The following PLB1 variants were observed in gnomAD, a reference collection of about 807,000 sequenced individuals.
PLB1 encodes phospholipase B1.
In PLB1, 242 loss-of-function variants were observed where a neutral mutation model predicts 227.4. The ratio of observed to expected loss-of-function variants is 1.06; its 90% CI spans 0.96 to 1.18. The LOEUF is 1.18. PLB1 is among the 50% of genes most tolerant of loss of function. PLB1 has a pLI of 0.00. For missense variants in PLB1, 1,858 were observed against 1,816.3 expected, an observed-to-expected ratio of 1.02 and a Z score of -0.42; for synonymous variants, 757 against 682.2, an observed-to-expected ratio of 1.11 and a Z score of -1.71.
chr2:28,610,195 A>G (rs939787639), intron 43 of PLB1, among the ~76,000 whole-genome samples: 2 of 152,116 alleles, frequency 1.3e-5, no homozygotes, highest in African/African-American at 2.4e-5. Context: ...TGCTGTACCT[A>G]TCAACCGGTC....
intron 39 of PLB1, 109 bp downstream of exon 39, chr2:28,603,030 C>A: frequency 1.1e-6 from 1 of 951,128 alleles, no homozygotes; most frequent in Non-Finnish European, 1.6e-6. Flanking sequence ...ATCCATGTGT[C>A]CAAGTCTGTA....
In PLB1 at chr2:28,642,968, T is replaced by C. The variant is rs1690137046; in HGVS notation, c.4284T>C (p.Leu1428=). 2 of 1,610,306 alleles carry C rather than the reference T, an allele frequency of 1.2e-6. No homozygotes were observed. The highest frequency in any genetic ancestry group is 8.5e-7 in the Non-Finnish European group (1 of 1,178,602). The change falls in exon 58 of 58, where the codon CTT becomes CTC. Residue 1428 remains leucine (L), a synonymous_variant. Transcript: ENST00000327757. ...WAVPVAAGVG[L]VVGIIGTVVW... ...TCCCAGTGGCAGCGGGAGTCGGCCT[T>C]GTGGTGGGCATCATCGGGACAGTGG...
intron 10 of PLB1, 131 bp from the exon 11 acceptor site, chr2:28,538,968 G>A: frequency 1.4e-6 from 1 of 722,238 alleles, no homozygotes; most frequent in Non-Finnish European, 2.5e-6. Flanking sequence ...CAAAGGATCA[G>A]GCCCAGTTAA....
intron 50 of PLB1, among the ~76,000 whole-genome samples, chr2:28,626,122 A>C (rs1233641126): frequency 2.0e-5 from 3 of 151,902 alleles, no homozygotes; most frequent in Admixed American, 6.5e-5. Context: ...CAGCCTCCCA[A>C]GTAGCTGGGA....
Position 28,641,000 on chromosome 2 carries a change from C to T in PLB1, c.4172C>T (p.Pro1391Leu). The T allele has an allele frequency of 6.2e-7, 1 of 1,613,398 alleles. No homozygotes were observed. The highest frequency in any genetic ancestry group is 8.5e-7 in the Non-Finnish European group (1 of 1,179,644). ...HSRAKLKCPS[P>L]ESPYLYTLRN... is the part of the protein sequence containing the mutation. ...CGAGCCAAACTCAAGTGCCCCTCTC[C>T]TGTGAGTAAACGTCCTGCCTGCCCC... The change falls in exon 57 of 58, where the codon CCT becomes CTT. Residue 1391 changes from proline to leucine, a missense_variant and splice_region_variant. Physicochemically the swap from Pro to Leu is moderately conservative, Grantham distance 98 (BLOSUM62 -3). Transcript: ENST00000327757.
intron 14 of PLB1, chr2:28,548,654 A>G (rs1378432849): frequency 3.1e-6 from 2 of 635,038 alleles, no homozygotes; most frequent in Non-Finnish European, 5.9e-6. Context: ...GTGCATCAGA[A>G]TCGCCTGGAG....
At chr2:28,585,401 G>A (rs1338429916) in intron 25 of PLB1, among the ~76,000 whole-genome samples, 3 of 151,926 alleles carry the variant, frequency 2.0e-5, no homozygotes, top group Non-Finnish European at 2.9e-5. Flanking sequence ...TCAGCCTCCC[G>A]AGTAGCTGGG....
chr2:28,609,698 A>T (rs1359852615), intron 43 of PLB1, among the ~76,000 whole-genome samples: 2 of 150,802 alleles, frequency 1.3e-5, no homozygotes, highest in Non-Finnish European at 2.9e-5. Context: ...CTAAATAGGA[A>T]CTAATTCTTT....
At chr2:28,582,349 G>A (rs1030524957) in intron 24 of PLB1, 56 bp from the exon 25 acceptor site, 8 of 1,497,660 alleles carry the variant, frequency 5.3e-6, no homozygotes, top group Admixed American at 1.8e-5. Flanking sequence ...GCCCCAAACC[G>A]AGGTGAAAGG....
chr2:28,630,142 C>G (rs1186129094), intron 53 of PLB1, among the ~76,000 whole-genome samples: 2 of 152,152 alleles, frequency 1.3e-5, no homozygotes, highest in Non-Finnish European at 2.9e-5. Flanking sequence ...TAAGCAGTTG[C>G]AGGAAGAGCT....
chr2:28,557,008 AG>A (rs1675246188), intron 17 of PLB1, among the ~76,000 whole-genome samples: 1 of 152,042 alleles, frequency 6.6e-6, no homozygotes, highest in Admixed American at 6.6e-5. Flanking sequence ...TGCAATGTTC[AG>A]TGTAGGTCAT....
intron 1 of PLB1, among the ~76,000 whole-genome samples, chr2:28,511,304 T>G (rs962914422): frequency 1.1e-4 from 16 of 151,300 alleles, no homozygotes; most frequent in Non-Finnish European, 2.2e-4. Context: ...ATTCTTTGTG[T>G]TTTTTTTTCT....
intron 9 of PLB1, 65 bp downstream of exon 9, chr2:28,532,259 C>A (rs1209638460): frequency 7.5e-7 from 1 of 1,330,576 alleles, no homozygotes; most frequent in Admixed American, 1.9e-5. Flanking sequence ...TGAACTAAAC[C>A]TGCCTGATTA....
intron 51 of PLB1, 98 bp downstream of exon 51, chr2:28,626,606 T>G: frequency 1.3e-6 from 1 of 777,020 alleles, no homozygotes; most frequent in Non-Finnish European, 1.9e-6. Flanking sequence ...CCGAGCTCCT[T>G]GCTCATGGGA....
chr2:28,555,175 T>C (rs1235024328), intron 17 of PLB1, among the ~76,000 whole-genome samples: 1 of 143,224 alleles, frequency 7.0e-6, no homozygotes, highest in Non-Finnish European at 1.5e-5. Context: ...AGAGTTTTGC[T>C]CTGTCACCCA....
chr2:28,576,509 T>C (rs539614295), intron 21 of PLB1, among the ~76,000 whole-genome samples: 42 of 152,216 alleles, frequency 2.8e-4, no homozygotes, highest in African/African-American at 9.9e-4. Context: ...GTGGGTGGAT[T>C]ACTTGAGGTC....
Position 28,515,113 on chromosome 2 carries a change from G to C in PLB1, c.56-1695G>C, listed in dbSNP as rs534919708. Among the ~76,000 whole-genome samples the C allele has an allele frequency of 7.2e-5, 11 of 152,286 alleles. No homozygotes were observed. In the East Asian group the frequency reaches 2.1e-3, roughly 29 times the overall value. ...ACATAAGTGCTTAGAACAGTGCCTG[G>C]CACATAGAAGCTGTATTTGTGTTGG... On this transcript the variant is annotated intron_variant, in intron 1 of 57. Coordinates refer to ENST00000327757, the MANE Select transcript of PLB1 (RefSeq NM_153021.5).
chr2:28,520,995 G>T (rs1026853956), intron 4 of PLB1, among the ~76,000 whole-genome samples: 3 of 152,126 alleles, frequency 2.0e-5, no homozygotes, highest in African/African-American at 7.2e-5. Context: ...AAACAAAAAA[G>T]AAATCATACA....
chr2:28,505,996 A>G (rs934620099), intron 1 of PLB1, among the ~76,000 whole-genome samples: 1 of 152,122 alleles, frequency 6.6e-6, no homozygotes, highest in African/African-American at 2.4e-5. Context: ...TTTTCTCTAG[A>G]GGCTCAGAAG....
Sources: allele counts gnomAD v4.1 joint callset (sites outside exome capture counted in the v4.1 genomes callset), GRCh38; gene constraint gnomAD v4.1.1; transcripts MANE v1.5; gene names NCBI Gene and HGNC (gene_info 2026-07-23, HGNC 2026-07-21).